The following TRPS1 variants were observed in gnomAD, a reference collection of about 807,000 sequenced individuals.
The protein encoded by TRPS1 is zinc finger transcription factor Trps1.
A neutral mutation model predicts 101.2 loss-of-function variants in TRPS1; 6 were observed. The observed-to-expected ratio is 0.06, with a 90% CI of 0.03 to 0.12. TRPS1 has a LOEUF of 0.12. TRPS1 is among the 10% of genes least tolerant of loss of function. TRPS1 has a pLI of 1.00. For missense variants in TRPS1, 1,363 were observed against 1,567.0 expected, an observed-to-expected ratio of 0.87 and a Z score of 2.20; for synonymous variants, 578 against 589.8, an observed-to-expected ratio of 0.98 and a Z score of 0.29.
intron 1 of TRPS1, among the ~76,000 whole-genome samples, chr8:115,634,998 T>C (rs1818735458): frequency 6.6e-6 from 1 of 152,144 alleles, no homozygotes; most frequent in African/African-American, 2.4e-5. Context: ...CCAGGTAAGC[T>C]AAAATAATAG....
At chr8:115,434,498 T>C (rs1248801465) in intron 5 of TRPS1, among the ~76,000 whole-genome samples, 4 of 152,166 alleles carry the variant, frequency 2.6e-5, no homozygotes, top group Non-Finnish European at 5.9e-5. Flanking sequence ...TTACATTTTA[T>C]AAAAAGTTAC....
intron 5 of TRPS1, among the ~76,000 whole-genome samples, chr8:115,493,314 T>C (rs1439362187): frequency 6.6e-6 from 1 of 152,226 alleles, no homozygotes; most frequent in Non-Finnish European, 1.5e-5. Flanking sequence ...TAAAACATAT[T>C]GCTAGCATTA....
intron 5 of TRPS1, among the ~76,000 whole-genome samples, chr8:115,494,204 AGCCTT>A (rs1815096254): frequency 1.3e-5 from 2 of 152,252 alleles, no homozygotes; most frequent in Non-Finnish European, 2.9e-5. Flanking sequence ...CTGAGCCAAT[AGCCTT>A]GCAGCTAATC....
chr8:115,463,951 A>G (rs1814253434), intron 5 of TRPS1, among the ~76,000 whole-genome samples: 1 of 151,980 alleles, frequency 6.6e-6, no homozygotes. Context: ...ATCTTCCTAC[A>G]AAGTAGTTTA....
intron 5 of TRPS1, among the ~76,000 whole-genome samples, chr8:115,421,205 A>G (rs1015630040): frequency 4.6e-5 from 7 of 151,842 alleles, no homozygotes; most frequent in African/African-American, 1.7e-4. Context: ...GGCTGGTCTC[A>G]AACTCCCAAT....
rs142871872 is a variant in TRPS1 at position 115,580,251 on chromosome 8, T to A, written c.2700+6750A>T. ...GGAGAGAAGAAAAAAAAAAAATATA[T>A]ATATATATATATATGAGAGACAATG... is the stretch of plus-strand genomic sequence containing the variant. On this transcript the variant is annotated intron_variant, in intron 5 of 6. Coordinates refer to ENST00000395715, the MANE Select transcript of TRPS1 (RefSeq NM_014112.5). Among the ~76,000 whole-genome samples, 692 of 145,734 alleles carry A rather than the reference T, an allele frequency of 4.7e-3. 5 individuals carry two copies. Among genetic ancestry groups the A allele is most frequent in the African/African-American group, 0.011 (450 of 39,302 alleles).
intron 5 of TRPS1, among the ~76,000 whole-genome samples, chr8:115,578,873 C>T (rs553417925): frequency 6.6e-6 from 1 of 151,920 alleles, no homozygotes; most frequent in Admixed American, 6.6e-5. Context: ...CACATAAAAA[C>T]GTGTATGCTT....
intron 5 of TRPS1, among the ~76,000 whole-genome samples, chr8:115,559,897 C>A (rs945571569): frequency 1.3e-5 from 2 of 151,978 alleles, no homozygotes; most frequent in Non-Finnish European, 2.9e-5. Flanking sequence ...TCTTTTTATA[C>A]AATTCCTTTA....
chr8:115,597,805 C>T (rs1260157093), intron 4 of TRPS1, among the ~76,000 whole-genome samples: 1 of 152,156 alleles, frequency 6.6e-6, no homozygotes, highest in Non-Finnish European at 1.5e-5. Context: ...ATGATCCCTT[C>T]TTTCCTCCAT....
intron 5 of TRPS1, among the ~76,000 whole-genome samples, chr8:115,566,880 A>C (rs1817080251): frequency 2.6e-5 from 4 of 152,170 alleles, no homozygotes; most frequent in Admixed American, 2.6e-4. Context: ...AGATGGAAAA[A>C]TGAAGAGAAA....
chr8:115,541,595 T>C (rs1027120712), intron 5 of TRPS1, among the ~76,000 whole-genome samples: 1 of 152,142 alleles, frequency 6.6e-6, no homozygotes, highest in Non-Finnish European at 1.5e-5. Flanking sequence ...AAATCAATTG[T>C]TTTTCAGCTC....
chr8:115,532,950 GACA>G (rs1248965899), intron 5 of TRPS1, among the ~76,000 whole-genome samples: 1 of 152,132 alleles, frequency 6.6e-6, no homozygotes, highest in Admixed American at 6.6e-5. Flanking sequence ...ATAGATTAGA[GACA>G]ACAACCCACA....
intron 1 of TRPS1, among the ~76,000 whole-genome samples, chr8:115,640,547 G>T (rs780041466): frequency 2.0e-5 from 3 of 152,144 alleles, no homozygotes; most frequent in Non-Finnish European, 2.9e-5. Flanking sequence ...CGTGTTCACA[G>T]GAATAAGCAA....
intron 5 of TRPS1, among the ~76,000 whole-genome samples, chr8:115,462,809 T>C (rs1814220528): frequency 6.6e-6 from 1 of 152,140 alleles, no homozygotes; most frequent in South Asian, 2.1e-4. Context: ...TCTTTGTTCA[T>C]TCATTTGATG....
chr8:115,628,644 A>C (rs1365811605), intron 1 of TRPS1, among the ~76,000 whole-genome samples: 1 of 151,890 alleles, frequency 6.6e-6, no homozygotes, highest in Non-Finnish European at 1.5e-5. Context: ...TTGGAGTTGG[A>C]TAAGTAACAG....
At chr8:115,423,540 C>T (rs78210519) in intron 5 of TRPS1, among the ~76,000 whole-genome samples, 2,178 of 152,180 alleles carry the variant, frequency 0.014, 54 homozygotes, top group African/African-American at 0.049. Flanking sequence ...ATATGAATAC[C>T]CTTTAAATCC....
chr8:115,651,808 A>G (rs1220600013), intron 1 of TRPS1, among the ~76,000 whole-genome samples: 3 of 152,208 alleles, frequency 2.0e-5, no homozygotes, highest in Non-Finnish European at 4.4e-5. Context: ...AAGAATATGA[A>G]CAAAAGTCGG....
intron 5 of TRPS1, among the ~76,000 whole-genome samples, chr8:115,562,554 T>C (rs1199520927): frequency 6.7e-6 from 1 of 150,000 alleles, no homozygotes; most frequent in Non-Finnish European, 1.5e-5. Flanking sequence ...GCAGTTTATA[T>C]AAGGGGAAAA....
intron 1 of TRPS1, among the ~76,000 whole-genome samples, chr8:115,624,573 T>C (rs1433647323): frequency 6.6e-6 from 1 of 152,004 alleles, no homozygotes; most frequent in Non-Finnish European, 1.5e-5. Flanking sequence ...TGCTGAGATA[T>C]AAGACATTCC....
Sources: allele counts gnomAD v4.1 joint callset (sites outside exome capture counted in the v4.1 genomes callset), GRCh38; gene constraint gnomAD v4.1.1; transcripts MANE v1.5; gene names NCBI Gene and HGNC (gene_info 2026-07-23, HGNC 2026-07-21).